The following DNAJC5B variants were observed in gnomAD, a reference collection of about 807,000 sequenced individuals.
DNAJC5B encodes dnaJ homolog subfamily C member 5B.
A neutral mutation model predicts 24.7 loss-of-function variants in DNAJC5B; 23 were observed. The observed-to-expected ratio is 0.93, with a 90% CI of 0.67 to 1.32. The LOEUF (loss-of-function observed/expected upper bound fraction) is 1.32, where lower values mean the gene tolerates loss of function less well. Ranked by LOEUF, DNAJC5B falls within the 40% of genes most tolerant of loss-of-function variation. The pLI is 0.00. For synonymous variants in DNAJC5B, 101 were observed against 90.1 expected, an observed-to-expected ratio of 1.12 and a Z score of -0.68; for missense variants, 238 against 240.8, an observed-to-expected ratio of 0.99 and a Z score of 0.08.
intron 3 of DNAJC5B, among the ~76,000 whole-genome samples, chr8:66,064,782 C>T (rs900409165): frequency 4.6e-5 from 7 of 152,154 alleles, no homozygotes; most frequent in Non-Finnish European, 8.8e-5. Context: ...CCACTGGTGT[C>T]AGAAGTTCAG....
chr8:66,024,186 G>A (rs189245244), intron 1 of DNAJC5B, among the ~76,000 whole-genome samples: 26 of 152,216 alleles, frequency 1.7e-4, no homozygotes, highest in African/African-American at 5.1e-4. Context: ...TTTAATAAAA[G>A]ATAATTATGA....
chr8:66,082,000 G>A lies in DNAJC5B; in HGVS notation c.505+1452G>A, dbSNP rs146652557. Among the ~76,000 whole-genome samples the A allele has an allele frequency of 8.5e-5, 13 of 152,212 alleles. No individual in the cohort carries two copies. In the East Asian group the frequency reaches 2.1e-3, roughly 25 times the overall value. ...ATGGGTTAAGGAGTAATGTATGCAT[G>A]GAAACTCCTTTTCTTCAGGAAAAGG... On this transcript the variant is annotated intron_variant, in intron 5 of 5. Coordinates refer to ENST00000276570, the MANE Select transcript of DNAJC5B (RefSeq NM_033105.6).
At chr8:66,087,256 T>C (rs902792218) in intron 5 of DNAJC5B, among the ~76,000 whole-genome samples, 3 of 152,118 alleles carry the variant, frequency 2.0e-5, no homozygotes, top group Admixed American at 2.0e-4. Context: ...TTTTAAACTT[T>C]CAGATCTCAT....
At chr8:66,089,329 C>T in intron 5 of DNAJC5B, among the ~76,000 whole-genome samples, 1 of 152,174 alleles carries the variant, frequency 6.6e-6, no homozygotes, top group East Asian at 1.9e-4. Context: ...GATTACTATT[C>T]AAGATGAGAT....
upstream of DNAJC5B, among the ~76,000 whole-genome samples, chr8:66,020,594 C>CTGTGTGTGTGTGTGTG (rs10526018): frequency 7.6e-6 from 1 of 132,354 alleles, no homozygotes; most frequent in African/African-American, 2.7e-5. Flanking sequence ...AATCAATACT[C>CTGTGTGTGTGTGTGTG]TGTGTGTGTG....
intron 3 of DNAJC5B, among the ~76,000 whole-genome samples, chr8:66,070,852 A>T (rs944527251): frequency 2.0e-5 from 3 of 152,188 alleles, no homozygotes; most frequent in African/African-American, 7.2e-5. Flanking sequence ...ACCAAAACAG[A>T]TATATAGACC....
intron 1 of DNAJC5B, among the ~76,000 whole-genome samples, chr8:66,033,193 G>A (rs753685963): frequency 5.3e-5 from 8 of 152,368 alleles, no homozygotes; most frequent in South Asian, 2.1e-4. Context: ...AGGAAGGCAC[G>A]CAGGCTGGCC....
At chr8:66,077,408 A>T (rs1807492135) in intron 4 of DNAJC5B, among the ~76,000 whole-genome samples, 1 of 152,212 alleles carries the variant, frequency 6.6e-6, no homozygotes, top group African/African-American at 2.4e-5. Context: ...ATGGGGACAG[A>T]GAGCAAAATG....
intron 1 of DNAJC5B, among the ~76,000 whole-genome samples, chr8:66,042,640 T>C (rs1806637427): frequency 6.7e-6 from 1 of 148,496 alleles, no homozygotes; most frequent in African/African-American, 2.5e-5. Flanking sequence ...TCCTTCTCCT[T>C]CTCCTCCTTC....
chr8:66,053,943 T>C (rs976949766), intron 3 of DNAJC5B, among the ~76,000 whole-genome samples: 2 of 151,834 alleles, frequency 1.3e-5, no homozygotes, highest in African/African-American at 4.8e-5. Context: ...ACCCTTTTTT[T>C]TTTTTTTTTA....
chr8:66,030,262 C>G (rs1374822980), intron 1 of DNAJC5B, among the ~76,000 whole-genome samples: 2 of 152,156 alleles, frequency 1.3e-5, no homozygotes, highest in Non-Finnish European at 2.9e-5. Flanking sequence ...ACCAGAAAAT[C>G]AACTGTGTCC....
At chr8:66,034,080 C>T (rs760982514) in intron 1 of DNAJC5B, among the ~76,000 whole-genome samples, 2 of 152,136 alleles carry the variant, frequency 1.3e-5, no homozygotes, top group African/African-American at 4.8e-5. Context: ...GGAATAATAA[C>T]ACTTGCCCTG....
intron 3 of DNAJC5B, among the ~76,000 whole-genome samples, chr8:66,065,196 G>C (rs10096043): frequency 0.043 from 6,533 of 152,308 alleles, 467 homozygotes; most frequent in African/African-American, 0.15. Flanking sequence ...TCTACGGTTC[G>C]TGTTGTTATC....
intron 3 of DNAJC5B, among the ~76,000 whole-genome samples, chr8:66,052,149 G>C (rs558572123): frequency 6.6e-6 from 1 of 150,486 alleles, no homozygotes; most frequent in Admixed American, 6.6e-5. Context: ...GTAGAGATGG[G>C]GTTTCACCAT....
intron 5 of DNAJC5B, among the ~76,000 whole-genome samples, chr8:66,089,640 A>G (rs1807803368): frequency 6.6e-6 from 1 of 152,182 alleles, no homozygotes; most frequent in Non-Finnish European, 1.5e-5. Context: ...CCTTTTGATG[A>G]TACAAAATTG....
At chr8:66,063,351 G>T (rs1356320971) in intron 3 of DNAJC5B, among the ~76,000 whole-genome samples, 3 of 152,178 alleles carry the variant, frequency 2.0e-5, no homozygotes, top group African/African-American at 7.2e-5. Flanking sequence ...GCAATTACAG[G>T]TGAAAACAGA....
At chr8:66,055,889 C>G (rs1183385278) in intron 3 of DNAJC5B, among the ~76,000 whole-genome samples, 1 of 152,124 alleles carries the variant, frequency 6.6e-6, no homozygotes, top group Non-Finnish European at 1.5e-5. Flanking sequence ...TTGCAGTGAG[C>G]CGAGAGCCGA....
chr8:66,090,255 G>T (rs972529950), intron 5 of DNAJC5B, among the ~76,000 whole-genome samples: 2 of 127,454 alleles, frequency 1.6e-5, no homozygotes, highest in African/African-American at 7.3e-5. Context: ...GCAGGCATGT[G>T]TGTGTGTGTG....
In DNAJC5B at chr8:66,088,985, A is replaced by T. The variant is rs146222787; in HGVS notation, c.505+8437A>T. Among the ~76,000 whole-genome samples the T allele has an allele frequency of 3.0e-4, 45 of 152,264 alleles. No homozygotes were observed. The East Asian group carries it at 8.5e-3, about 29-fold the overall frequency. On this transcript the variant is annotated intron_variant, in intron 5 of 5. Transcript: ENST00000276570. ...TTCCATATTTTCAGGTTATCTTTATAGCAGTACCCCACTCTGCCTGTACCA... is the reference window on the plus strand; with the variant it reads ...TTCCATATTTTCAGGTTATCTTTATTGCAGTACCCCACTCTGCCTGTACCA...
Sources: gnomAD v4.1 joint callset for allele counts (sites outside exome capture counted in the v4.1 genomes callset) on GRCh38, gnomAD v4.1.1 for gene constraint, MANE v1.5 for transcripts, NCBI Gene and HGNC (gene_info 2026-07-23, HGNC 2026-07-21) for gene names.